Variants in LEPROTL1 observed in about 807,000 individuals in gnomAD.
LEPROTL1 encodes leptin receptor overlapping transcript-like 1.
In LEPROTL1, 6 loss-of-function variants were observed where a neutral mutation model predicts 15.4. That is an observed-to-expected ratio of 0.39 (90% confidence interval 0.21 to 0.77). The LOEUF (loss-of-function observed/expected upper bound fraction) is 0.77, where lower values mean the gene tolerates loss of function less well. LEPROTL1 is among the 30% of genes least tolerant of loss of function. The pLI, the probability that LEPROTL1 is intolerant of heterozygous loss-of-function variation, is 0.41. For synonymous variants in LEPROTL1, 56 were observed against 52.6 expected (o/e 1.06, Z -0.28); for missense variants, 128 against 158.1 (o/e 0.81, Z 1.02).
At chr8:30,127,524 A>G (rs1412786454) in intron 3 of LEPROTL1, among the ~76,000 whole-genome samples, 5 of 152,114 alleles carry the variant, frequency 3.3e-5, no homozygotes, top group Non-Finnish European at 7.3e-5. Flanking sequence ...TGCATTTGTA[A>G]GGATAGGCAC....
chr8:30,120,447 GTATGTAT>G (rs1449111591), intron 3 of LEPROTL1, among the ~76,000 whole-genome samples: 33 of 150,992 alleles, frequency 2.2e-4, no homozygotes, highest in Non-Finnish European at 4.3e-4. Flanking sequence ...TTAATAAGTT[GTATGTAT>G]TTGTATATGC....
intron 1 of LEPROTL1, among the ~76,000 whole-genome samples, chr8:30,097,073 C>A (rs1466137406): frequency 1.3e-5 from 2 of 152,226 alleles, no homozygotes; most frequent in East Asian, 3.9e-4. Context: ...TTGGGCTGCT[C>A]CATGCCTAGC....
Sources: gnomAD v4.1 joint callset for allele counts (sites outside exome capture counted in the v4.1 genomes callset) on GRCh38, gnomAD v4.1.1 for gene constraint, MANE v1.5 for transcripts, NCBI Gene and HGNC (gene_info 2026-07-23, HGNC 2026-07-21) for gene names.